CEP112: variants seen among roughly 807,000 people sequenced by gnomAD.
CEP112 encodes the protein centrosomal protein 112.
Under a neutral mutation model 153.0 loss-of-function variants are expected in CEP112, and 127 were observed. The ratio of observed to expected loss-of-function variants is 0.83; its 90% CI spans 0.72 to 0.96. The LOEUF (loss-of-function observed/expected upper bound fraction) is 0.96, where lower values mean the gene tolerates loss of function less well. Ranked by LOEUF, CEP112 falls within the 40% of genes least tolerant of loss-of-function variation. CEP112 has a pLI of 0.00. For missense variants in CEP112, 1,089 were observed against 1,101.2 expected (o/e 0.99, Z 0.16); for synonymous variants, 358 against 374.4 (o/e 0.96, Z 0.51).
At chr17:66,178,083 G>A (rs1291000286) in intron 2 of CEP112, among the ~76,000 whole-genome samples, 1 of 152,150 alleles carries the variant, frequency 6.6e-6, no homozygotes. Flanking sequence ...ATAACTAGCA[G>A]TGGGATTGCT....
At chr17:65,923,682 T>A (rs1359261975) in intron 19 of CEP112, among the ~76,000 whole-genome samples, 1 of 152,218 alleles carries the variant, frequency 6.6e-6, no homozygotes, top group Non-Finnish European at 1.5e-5. Context: ...GTAAAAAAGT[T>A]TTATTTAGAG....
chr17:65,657,646 A>C lies in CEP112; in HGVS notation c.2698-16581T>G, dbSNP rs370464000. Among the ~76,000 whole-genome samples, 16 of 152,248 alleles carry C rather than the reference A, an allele frequency of 1.1e-4. No homozygotes were observed. The East Asian group carries it at 1.3e-3, about 13-fold the overall frequency. ...ACTAGGCCTTTTTGGTTGGGGCTGG[A>C]CTTCCTAAAAAAGGTAGTTTTCATC... is the stretch of plus-strand genomic sequence containing the variant. On this transcript the variant is annotated intron_variant, in intron 24 of 26. Transcript: ENST00000535342.
intron 24 of CEP112, among the ~76,000 whole-genome samples, chr17:65,662,078 C>T (rs953139026): frequency 2.6e-5 from 4 of 152,106 alleles, no homozygotes; most frequent in Non-Finnish European, 5.9e-5. Context: ...AGGTGATCCT[C>T]CCACCTCGGC....
chr17:65,888,771 G>A (rs973869502), intron 20 of CEP112, among the ~76,000 whole-genome samples: 7 of 152,140 alleles, frequency 4.6e-5, no homozygotes, highest in African/African-American at 1.4e-4. Context: ...TGGGGTAGGA[G>A]CATTCTTAAA....
intron 12 of CEP112, among the ~76,000 whole-genome samples, chr17:66,037,451 G>A (rs1343090202): frequency 1.3e-5 from 2 of 152,014 alleles, no homozygotes; most frequent in Admixed American, 6.6e-5. Context: ...TATGACATTA[G>A]CATTTCAAAC....
chr17:65,770,794 T>C (rs1477339783), intron 21 of CEP112, among the ~76,000 whole-genome samples: 1 of 151,880 alleles, frequency 6.6e-6, no homozygotes, highest in Non-Finnish European at 1.5e-5. Flanking sequence ...TAATAAAACC[T>C]AGATCAACAA....
intron 21 of CEP112, among the ~76,000 whole-genome samples, chr17:65,824,943 C>T (rs1415025035): frequency 2.0e-5 from 3 of 152,124 alleles, no homozygotes; most frequent in Non-Finnish European, 2.9e-5. Context: ...AAATTAAAAA[C>T]AGAATTATAT....
chr17:66,084,690 G>C (rs535403007), intron 8 of CEP112, among the ~76,000 whole-genome samples: 2 of 152,192 alleles, frequency 1.3e-5, no homozygotes, highest in South Asian at 2.1e-4. Flanking sequence ...GGCAGGGGGG[G>C]AGTTGGGATG....
chr17:65,870,065 G>GAAAGAAAGAAAGAAAGAAAGGAAGA (rs71160508), intron 20 of CEP112, among the ~76,000 whole-genome samples: 1 of 79,238 alleles, frequency 1.3e-5, no homozygotes, highest in Non-Finnish European at 2.8e-5. Context: ...AAGAAAGAAA[G>GAAAGAAAGAAAGAAAGAAAGGAAGA]AAAGAAAGAA....
intron 19 of CEP112, among the ~76,000 whole-genome samples, chr17:65,915,766 T>G: frequency 8.0e-6 from 1 of 125,338 alleles, no homozygotes; most frequent in African/African-American, 3.1e-5. Flanking sequence ...CCAGCCTGGG[T>G]GACAGAGTGA....
chr17:65,946,630 C>G (rs907954131), intron 18 of CEP112, among the ~76,000 whole-genome samples: 12 of 152,194 alleles, frequency 7.9e-5, no homozygotes, highest in Non-Finnish European at 1.8e-4. Context: ...TTCAAGATTG[C>G]CTTCACTTTG....
At chr17:65,879,222 G>T (rs997590742) in intron 20 of CEP112, among the ~76,000 whole-genome samples, 1 of 152,154 alleles carries the variant, frequency 6.6e-6, no homozygotes, top group Non-Finnish European at 1.5e-5. Context: ...ATATCACAGC[G>T]AGGCCAGGAA....
chr17:65,898,029 T>C (rs773447691), intron 20 of CEP112, among the ~76,000 whole-genome samples: 6 of 152,158 alleles, frequency 3.9e-5, no homozygotes, highest in Non-Finnish European at 7.4e-5. Flanking sequence ...TCCGCTTAAC[T>C]GTAATATTTT....
intron 19 of CEP112, among the ~76,000 whole-genome samples, chr17:65,908,215 T>G (rs1228643739): frequency 6.6e-6 from 1 of 152,168 alleles, no homozygotes; most frequent in South Asian, 2.1e-4. Flanking sequence ...GTGCCCACCC[T>G]AAACATATTA....
At chr17:65,909,044 T>C (rs1278351848) in intron 19 of CEP112, among the ~76,000 whole-genome samples, 1 of 152,186 alleles carries the variant, frequency 6.6e-6, no homozygotes, top group Non-Finnish European at 1.5e-5. Context: ...CTTTCAATAA[T>C]CATTTAAAGA....
chr17:65,827,595 G>A (rs1330065210), intron 21 of CEP112, among the ~76,000 whole-genome samples: 1 of 152,106 alleles, frequency 6.6e-6, no homozygotes, highest in Non-Finnish European at 1.5e-5. Flanking sequence ...GCCTAAGTCA[G>A]ATCATGTCCC....
At chr17:66,140,469 A>T (rs2070642197) in intron 4 of CEP112, among the ~76,000 whole-genome samples, 1 of 152,222 alleles carries the variant, frequency 6.6e-6, no homozygotes, top group South Asian at 2.1e-4. Flanking sequence ...AGTAAAAAGG[A>T]AAATGGTTTC....
intron 21 of CEP112, among the ~76,000 whole-genome samples, chr17:65,774,230 T>C (rs1182358200): frequency 6.6e-6 from 1 of 152,096 alleles, no homozygotes. Context: ...GGATGGGGCA[T>C]AATCGGGAAT....
chr17:65,884,092 T>C (rs1568167466), intron 20 of CEP112, among the ~76,000 whole-genome samples: 1 of 152,142 alleles, frequency 6.6e-6, no homozygotes, highest in African/African-American at 2.4e-5. Flanking sequence ...AACTTGAAGG[T>C]TATTAGCATA....
Sources: allele counts gnomAD v4.1 joint callset (sites outside exome capture counted in the v4.1 genomes callset), GRCh38; gene constraint gnomAD v4.1.1; transcripts MANE v1.5; gene names NCBI Gene and HGNC (gene_info 2026-07-23, HGNC 2026-07-21).